ADAMTS19: variants seen among roughly 807,000 people sequenced by gnomAD.
ADAMTS19 encodes the protein ADAM metallopeptidase with thrombospondin type 1 motif 19, also known as A disintegrin and metalloproteinase with thrombospondin motifs 19.
A neutral mutation model predicts 153.3 loss-of-function variants in ADAMTS19; 93 were observed. The observed-to-expected ratio is 0.61, with a 90% confidence interval of 0.51 to 0.72. ADAMTS19 has a LOEUF of 0.72. ADAMTS19 is among the 30% of genes least tolerant of loss of function. ADAMTS19 has a pLI of 0.00. For missense variants in ADAMTS19, 1,482 were observed against 1,552.1 expected, an observed-to-expected ratio of 0.95 and a Z score of 0.76; for synonymous variants, 600 against 556.6, an observed-to-expected ratio of 1.08 and a Z score of -1.10.
At chr5:129,580,422 T>C (rs144356785) in intron 7 of ADAMTS19, among the ~76,000 whole-genome samples, 1 of 152,192 alleles carries the variant, frequency 6.6e-6, no homozygotes, top group Admixed American at 6.5e-5. Flanking sequence ...GAATACCCTT[T>C]ATTTATTTCT....
At chr5:129,655,494 C>A (rs1753508197) in intron 14 of ADAMTS19, among the ~76,000 whole-genome samples, 1 of 152,082 alleles carries the variant, frequency 6.6e-6, no homozygotes, top group Admixed American at 6.6e-5. Context: ...GTTAACTGGG[C>A]AAATCACTTA....
chr5:129,530,638 G>C (rs1752167695), intron 6 of ADAMTS19, among the ~76,000 whole-genome samples: 1 of 152,080 alleles, frequency 6.6e-6, no homozygotes, highest in Non-Finnish European at 1.5e-5. Flanking sequence ...TTGAGTTCTT[G>C]AGGTACTATC....
chr5:129,626,281 C>T lies in ADAMTS19; in HGVS notation c.1770+3933C>T, dbSNP rs545260067. Among the ~76,000 whole-genome samples the T allele has an allele frequency of 6.6e-5, 10 of 152,192 alleles. No individual in the cohort carries two copies. The East Asian group carries it at 1.9e-3, about 29-fold the overall frequency. On this transcript the variant is annotated intron_variant, in intron 10 of 22. Coordinates refer to ENST00000274487, the MANE Select transcript of ADAMTS19 (RefSeq NM_133638.6). Reference sequence around the variant, plus strand: ...ATGGAAAAACCCTTAGATCAGATCTCATATTTAAACTAATTTTTTTGTCTC... The same window carrying T: ...ATGGAAAAACCCTTAGATCAGATCTTATATTTAAACTAATTTTTTTGTCTC...
At chr5:129,466,586 C>T (rs1457237625) in intron 2 of ADAMTS19, among the ~76,000 whole-genome samples, 2 of 151,538 alleles carry the variant, frequency 1.3e-5, no homozygotes, top group Admixed American at 1.3e-4. Context: ...AAGATCAAAC[C>T]CAGAAATTAT....
At chr5:129,680,576 C>T (rs1204065126) in intron 17 of ADAMTS19, among the ~76,000 whole-genome samples, 2 of 151,808 alleles carry the variant, frequency 1.3e-5, no homozygotes, top group Non-Finnish European at 2.9e-5. Flanking sequence ...GACCAACACG[C>T]TGAAACTCCG....
intron 22 of ADAMTS19, among the ~76,000 whole-genome samples, 186 bp downstream of exon 22, chr5:129,735,295 A>T (rs1757619037): frequency 6.6e-6 from 1 of 151,998 alleles, no homozygotes; most frequent in Admixed American, 6.6e-5. Context: ...AGTCCTAAAA[A>T]CTTAAACTGC....
chr5:129,542,131 C>T (rs1048172283), intron 6 of ADAMTS19, among the ~76,000 whole-genome samples: 4 of 151,932 alleles, frequency 2.6e-5, no homozygotes, highest in African/African-American at 4.8e-5. Flanking sequence ...TATTTTGATT[C>T]GATATTCTCA....
chr5:129,569,739 T>C (rs1240493888), intron 7 of ADAMTS19, among the ~76,000 whole-genome samples: 1 of 152,004 alleles, frequency 6.6e-6, no homozygotes, highest in Non-Finnish European at 1.5e-5. Flanking sequence ...ATGAAACATT[T>C]CAAGGGAAAT....
chr5:129,693,554 TA>T (rs1755428342), intron 18 of ADAMTS19, among the ~76,000 whole-genome samples: 1 of 152,210 alleles, frequency 6.6e-6, no homozygotes, highest in African/African-American at 2.4e-5. Context: ...AACAATGGAT[TA>T]AATAAGATTA....
intron 7 of ADAMTS19, among the ~76,000 whole-genome samples, chr5:129,566,964 T>C (rs1389102709): frequency 1.5e-4 from 6 of 38,964 alleles, no homozygotes; most frequent in Non-Finnish European, 3.0e-4. Flanking sequence ...CTCCATACTT[T>C]CTGAAAGCAG....
At chr5:129,709,140 A>C (rs1561662429) in intron 21 of ADAMTS19, among the ~76,000 whole-genome samples, 2 of 152,166 alleles carry the variant, frequency 1.3e-5, no homozygotes, top group African/African-American at 4.8e-5. Context: ...TTTCCTAATG[A>C]ATAAGCAAAA....
At chr5:129,500,053 C>A (rs900803365) in intron 2 of ADAMTS19, among the ~76,000 whole-genome samples, 1 of 152,128 alleles carries the variant, frequency 6.6e-6, no homozygotes, top group Non-Finnish European at 1.5e-5. Flanking sequence ...GAGAAGACTT[C>A]TGGTAAATTT....
At chr5:129,609,913 T>C (rs1751112717) in intron 8 of ADAMTS19, among the ~76,000 whole-genome samples, 1 of 152,178 alleles carries the variant, frequency 6.6e-6, no homozygotes, top group Non-Finnish European at 1.5e-5. Flanking sequence ...TTCTCTGTGT[T>C]GGCAAGAGGC....
At chr5:129,733,003 A>G (rs541175523) in intron 21 of ADAMTS19, among the ~76,000 whole-genome samples, 4 of 152,074 alleles carry the variant, frequency 2.6e-5, no homozygotes, top group Non-Finnish European at 5.9e-5. Context: ...AAACAAAACC[A>G]CATACCTATA....
At chr5:129,545,700 C>T (rs1752830515) in intron 6 of ADAMTS19, among the ~76,000 whole-genome samples, 1 of 151,030 alleles carries the variant, frequency 6.6e-6, no homozygotes, top group Non-Finnish European at 1.5e-5. Context: ...CATCTCACAC[C>T]AGTTAGAATG....
chr5:129,693,057 C>G (rs1755405632), intron 18 of ADAMTS19, among the ~76,000 whole-genome samples: 1 of 152,156 alleles, frequency 6.6e-6, no homozygotes, highest in East Asian at 1.9e-4. Flanking sequence ...ACATTATATG[C>G]AATAACCACA....
At chr5:129,598,757 T>C (rs1048903343) in intron 8 of ADAMTS19, among the ~76,000 whole-genome samples, 1 of 152,196 alleles carries the variant, frequency 6.6e-6, no homozygotes. Flanking sequence ...GTCACCATTT[T>C]TAAATGTATA....
In ADAMTS19 at chr5:129,614,115, G is replaced by A. The variant is rs1028023238; in HGVS notation, c.1479-6503G>A. ...AGAATTCTACCAGAGGTACAAGGAG[G>A]AGCTGGTACCATTCCTTCTGAAACT... On this transcript the variant is annotated intron_variant, in intron 8 of 22. Coordinates refer to ENST00000274487, the MANE Select transcript of ADAMTS19 (RefSeq NM_133638.6). 3.3e-5 allele frequency among the ~76,000 whole-genome samples: 5 copies of A among 152,182 alleles called. No homozygotes were observed. The South Asian group carries it at 6.2e-4, about 19-fold the overall frequency.
At chr5:129,682,814 A>G (rs914144409) in intron 17 of ADAMTS19, among the ~76,000 whole-genome samples, 1 of 152,154 alleles carries the variant, frequency 6.6e-6, no homozygotes, top group Admixed American at 6.5e-5. Flanking sequence ...AGTTATTTAT[A>G]AAGTCGACAC....
Sources: allele counts gnomAD v4.1 joint callset (sites outside exome capture counted in the v4.1 genomes callset), GRCh38; gene constraint gnomAD v4.1.1; transcripts MANE v1.5; gene names NCBI Gene and HGNC (gene_info 2026-07-23, HGNC 2026-07-21).